Variants in RABEP1 observed in about 807,000 individuals in gnomAD.
The protein encoded by RABEP1 is rabaptin, RAB GTPase binding effector protein 1, also known as rab GTPase-binding effector protein 1.
In RABEP1, 51 loss-of-function variants were observed where a neutral mutation model predicts 123.4. The observed-to-expected ratio is 0.41, with a 90% confidence interval of 0.33 to 0.52. The LOEUF (loss-of-function observed/expected upper bound fraction) is 0.52. Ranked by LOEUF, RABEP1 falls within the 20% of genes least tolerant of loss-of-function variation. RABEP1 has a pLI of 0.16. For synonymous variants in RABEP1, 347 were observed against 355.2 expected (o/e 0.98, Z 0.26); for missense variants, 888 against 996.3 (o/e 0.89, Z 1.46).
rs531587293 is a variant in RABEP1, at chr17:5,367,604, G to T, written c.1786-766G>T. Among the ~76,000 whole-genome samples the T allele has an allele frequency of 3.4e-5, 5 of 148,464 alleles. 1 individual carries two copies. The East Asian group carries it at 1.1e-3, about 33-fold the overall frequency. On this transcript the variant is annotated intron_variant, in intron 11 of 17. Coordinates refer to ENST00000537505, the MANE Select transcript of RABEP1 (RefSeq NM_004703.6). ...CTTTTTTTTAAAAAAAGTATGGATA[G>T]CCAATTTCTGTATGACTTGGTGAAA...
Position 5,368,439 on chromosome 17 carries a change from C to T in RABEP1, c.1855C>T (p.Gln619Ter). Residue 619 changes from glutamine to a stop codon, truncating the protein, a stop_gained, in exon 12 of 18, where the codon CAG (glutamine) becomes TAG (stop). Transcript: ENST00000537505. LOFTEE classifies it high-confidence loss of function. The part of the protein sequence containing the change: ...LLEELQQGLS[Q>*]AKRDVQEQMA... ...TGAAGAGTTACAGCAGGGGCTTTCC[C>T]AGGCAAAGAGGGATGTTCAGGAACA... 1.2e-6 allele frequency: 2 copies of T among 1,613,416 alleles called. No individual in the cohort carries two copies. The highest frequency in any genetic ancestry group is 1.7e-6 in the Non-Finnish European group (2 of 1,179,724).
chr17:5,282,716 G>A (rs2074938936), intron 1 of RABEP1, among the ~76,000 whole-genome samples, 196 bp downstream of exon 1: 2 of 148,650 alleles, frequency 1.3e-5, no homozygotes, highest in South Asian at 4.2e-4. Context: ...GCTGGGGAGG[G>A]GGCGGGAGGC....
At chr17:5,343,193 G>C (rs758128224) in intron 5 of RABEP1, among the ~76,000 whole-genome samples, 5 of 152,166 alleles carry the variant, frequency 3.3e-5, no homozygotes, top group Middle Eastern at 3.4e-3. Flanking sequence ...CGGAGGTTGC[G>C]GGGAGCCAAG....
intron 6 of RABEP1, among the ~76,000 whole-genome samples, chr17:5,348,786 C>T (rs1006070514): frequency 6.6e-6 from 1 of 152,094 alleles, no homozygotes; most frequent in African/African-American, 2.4e-5. Flanking sequence ...TGGTCTCGAT[C>T]CCCTGACCTC....
At position 5,312,323 on chromosome 17, in the gene RABEP1, G is replaced by A. The variant is rs962357658; in HGVS notation, c.163+3501G>A. Among the ~76,000 whole-genome samples the A allele has an allele frequency of 1.4e-4, 21 of 152,082 alleles. 1 individual carries two copies. Among genetic ancestry groups the A allele is most frequent in the African/African-American group, 5.1e-4 (21 of 41,414 alleles). On this transcript the variant is annotated intron_variant, in intron 2 of 17. Coordinates refer to ENST00000537505, the MANE Select transcript of RABEP1 (RefSeq NM_004703.6). The stretch of plus-strand genomic sequence containing the variant: ...GCCACCACACCTGGCTAATTTTTTT[G>A]TATTTTTAGTAGAGACAGGGTTTCA...
At chr17:5,336,422 C>T in intron 4 of RABEP1, 1 of 461,518 alleles carries the variant, frequency 2.2e-6, no homozygotes, top group Non-Finnish European at 4.3e-6. Flanking sequence ...TTCTTATTAA[C>T]TGAAGTCCAT....
intron 1 of RABEP1, among the ~76,000 whole-genome samples, chr17:5,287,611 A>G (rs900757264): frequency 9.7e-5 from 14 of 144,970 alleles, no homozygotes; most frequent in Admixed American, 6.1e-4. Flanking sequence ...AAAAAAAAAA[A>G]AAAAAAAAAA....
At chr17:5,319,519 A>G (rs2075333023) in intron 2 of RABEP1, among the ~76,000 whole-genome samples, 1 of 151,588 alleles carries the variant, frequency 6.6e-6, no homozygotes, top group South Asian at 2.1e-4. Flanking sequence ...GGCGCCCGCC[A>G]CCACACCTGG....
At chr17:5,326,026 G>A (rs866663366) in intron 2 of RABEP1, among the ~76,000 whole-genome samples, 4 of 152,284 alleles carry the variant, frequency 2.6e-5, no homozygotes, top group African/African-American at 9.6e-5. Flanking sequence ...TGGAGCAACA[G>A]CAGCATTCAT....
intron 4 of RABEP1, among the ~76,000 whole-genome samples, chr17:5,335,884 T>C (rs191641137): frequency 6.6e-6 from 1 of 152,138 alleles, no homozygotes; most frequent in Admixed American, 6.5e-5. Flanking sequence ...TAAATACCAG[T>C]TGAGTGGGTG....
chr17:5,364,762 T>C (rs1240841840), intron 10 of RABEP1, among the ~76,000 whole-genome samples: 1 of 150,770 alleles, frequency 6.6e-6, no homozygotes, highest in African/African-American at 2.4e-5. Flanking sequence ...GCATTTAGAG[T>C]TTTAAGTAGG....
chr17:5,302,683 A>G (rs532594589), intron 1 of RABEP1, among the ~76,000 whole-genome samples: 3 of 143,404 alleles, frequency 2.1e-5, no homozygotes, highest in Admixed American at 1.4e-4. Flanking sequence ...ACACACAACC[A>G]CACCTGGCTA....
chr17:5,370,578 G>T (rs1337183109), intron 12 of RABEP1, among the ~76,000 whole-genome samples: 1 of 152,004 alleles, frequency 6.6e-6, no homozygotes, highest in Non-Finnish European at 1.5e-5. Flanking sequence ...TTTGTTTCAG[G>T]CCATCTGTCT....
intron 5 of RABEP1, among the ~76,000 whole-genome samples, chr17:5,344,168 T>A (rs1286443032): frequency 1.3e-5 from 2 of 152,186 alleles, no homozygotes; most frequent in East Asian, 1.9e-4. Flanking sequence ...ATAAAATTGC[T>A]AAGTTGGCTG....
chr17:5,374,701 G>A (rs778960696), intron 13 of RABEP1, among the ~76,000 whole-genome samples: 6 of 152,056 alleles, frequency 3.9e-5, no homozygotes, highest in South Asian at 2.1e-4. Context: ...GTGCAGTGGC[G>A]CAACCTAGGC....
intron 8 of RABEP1, 49 bp downstream of exon 8, chr17:5,354,539 T>A (rs753216177): frequency 2.1e-5 from 32 of 1,533,992 alleles, no homozygotes; most frequent in Non-Finnish European, 2.7e-5. Context: ...TGTCAACAAT[T>A]TTAGCTTACT....
rs761934519 is a variant in RABEP1, at chr17:5,383,218, A to T, written c.2584A>T (p.Thr862Ser). 34 of 1,613,576 alleles carry T rather than the reference A, an allele frequency of 2.1e-5. No individual in the cohort carries two copies. The highest frequency in any genetic ancestry group is 2.8e-5 in the Non-Finnish European group (33 of 1,179,632). ...KLTDINQLPE[T>S] ...GACAGACATTAACCAGCTTCCTGAG[A>T]CATGACACCCTCATGGCAGGATTCT... is the stretch of plus-strand genomic sequence containing the variant. Residue 862 changes from threonine to serine, a missense_variant, in exon 18 of 18, where the codon ACA becomes TCA. Physicochemically the swap from Thr to Ser is moderately conservative, Grantham distance 58 (BLOSUM62 1). Transcript: ENST00000537505.
chr17:5,336,845 C>T (rs1907138385), intron 4 of RABEP1, among the ~76,000 whole-genome samples: 1 of 152,042 alleles, frequency 6.6e-6, no homozygotes, highest in African/African-American at 2.4e-5. Context: ...GTGTAAGGAC[C>T]TGAAAACAAA....
At chr17:5,379,128 T>G (rs993359900) in intron 15 of RABEP1, among the ~76,000 whole-genome samples, 2 of 152,202 alleles carry the variant, frequency 1.3e-5, no homozygotes, top group African/African-American at 4.8e-5. Context: ...AGTGGCAGTT[T>G]CAGAGTCACC....
Sources: allele counts gnomAD v4.1 joint callset (sites outside exome capture counted in the v4.1 genomes callset), GRCh38; gene constraint gnomAD v4.1.1; transcripts MANE v1.5; gene names NCBI Gene and HGNC (gene_info 2026-07-23, HGNC 2026-07-21).